The following HMBOX1 variants were observed in gnomAD, a reference collection of about 807,000 sequenced individuals.
The protein encoded by HMBOX1 is homeobox containing 1.
A neutral mutation model predicts 54.5 loss-of-function variants in HMBOX1; 14 were observed. The ratio of observed to expected loss-of-function variants is 0.26; its 90% CI spans 0.17 to 0.40. The LOEUF (loss-of-function observed/expected upper bound fraction) is 0.40, where lower values mean the gene tolerates loss of function less well. HMBOX1 is among the 10% of genes least tolerant of loss of function. The pLI is 1.00. For missense variants in HMBOX1, 332 were observed against 514.4 expected (o/e 0.65, Z 3.43); for synonymous variants, 160 against 181.0 (o/e 0.88, Z 0.93).
intron 1 of HMBOX1, among the ~76,000 whole-genome samples, chr8:28,902,678 G>T (rs1044071331): frequency 2.6e-5 from 4 of 152,176 alleles, no homozygotes; most frequent in Non-Finnish European, 5.9e-5. Context: ...TCCCAAAAGA[G>T]AAAGGAAGTC....
At chr8:28,962,586 A>G (rs1022350300) in intron 1 of HMBOX1, among the ~76,000 whole-genome samples, 4 of 152,170 alleles carry the variant, frequency 2.6e-5, no homozygotes, top group African/African-American at 9.7e-5. Context: ...ACACAAGCCT[A>G]CTAATTCCCT....
intron 1 of HMBOX1, among the ~76,000 whole-genome samples, chr8:28,896,369 C>CATTTTATCACAGGCAT (rs375981751): frequency 0.019 from 2,724 of 141,950 alleles, 66 homozygotes; most frequent in Non-Finnish European, 0.029. Context: ...AGTTCTATGC[C>CATTTTATCACAGGCAT]ATTTTATCAC....
intron 5 of HMBOX1, among the ~76,000 whole-genome samples, chr8:29,016,785 C>G (rs984647863): frequency 6.6e-6 from 1 of 152,230 alleles, no homozygotes; most frequent in African/African-American, 2.4e-5. Flanking sequence ...TGAGTGTCCT[C>G]ACACGGCAGC....
At chr8:28,961,046 A>G (rs1825506533) in intron 1 of HMBOX1, among the ~76,000 whole-genome samples, 1 of 151,768 alleles carries the variant, frequency 6.6e-6, no homozygotes, top group Non-Finnish European at 1.5e-5. Context: ...TGGCCTCCCA[A>G]AGTGCTGGGA....
At chr8:28,937,246 A>G (rs1820571737) in intron 1 of HMBOX1, among the ~76,000 whole-genome samples, 1 of 152,240 alleles carries the variant, frequency 6.6e-6, no homozygotes, top group Non-Finnish European at 1.5e-5. Flanking sequence ...TGTTATCCAT[A>G]GTCATTGAAA....
At chr8:29,010,113 G>A in intron 5 of HMBOX1, 1 of 980,044 alleles carries the variant, frequency 1.0e-6, no homozygotes, top group Non-Finnish European at 1.2e-6. Flanking sequence ...AATGGTCCAG[G>A]CAGGATGAAA....
At chr8:28,939,821 T>TA (rs1369448140) in intron 1 of HMBOX1, among the ~76,000 whole-genome samples, 1 of 152,042 alleles carries the variant, frequency 6.6e-6, no homozygotes, top group African/African-American at 2.4e-5. Context: ...AGGAACTTGT[T>TA]AAAAAACACC....
intron 6 of HMBOX1, among the ~76,000 whole-genome samples, chr8:29,027,648 C>G (rs1051872274): frequency 2.0e-5 from 3 of 152,086 alleles, no homozygotes; most frequent in African/African-American, 7.2e-5. Flanking sequence ...GAAGCAACAA[C>G]TTGGAAAAAA....
At chr8:29,017,762 G>C (rs1025756201) in intron 5 of HMBOX1, among the ~76,000 whole-genome samples, 1 of 152,060 alleles carries the variant, frequency 6.6e-6, no homozygotes, top group African/African-American at 2.4e-5. Flanking sequence ...TATTAAGAAG[G>C]GGATCTACAA....
chr8:28,916,472 A>T (rs1214801838), intron 1 of HMBOX1, among the ~76,000 whole-genome samples: 1 of 152,104 alleles, frequency 6.6e-6, no homozygotes, highest in African/African-American at 2.4e-5. Context: ...ACCCATTTTG[A>T]GTTAATGCGT....
intron 5 of HMBOX1, 57 bp downstream of exon 5, chr8:29,009,239 A>C (rs1278064784): frequency 6.0e-6 from 8 of 1,342,990 alleles, no homozygotes; most frequent in Non-Finnish European, 8.5e-6. Flanking sequence ...ATAATGAATT[A>C]CTTTAATGAC....
intron 1 of HMBOX1, among the ~76,000 whole-genome samples, chr8:28,961,595 A>G (rs1292850581): frequency 6.6e-6 from 1 of 152,058 alleles, no homozygotes; most frequent in African/African-American, 2.4e-5. Flanking sequence ...TCATTTATCC[A>G]TTTATCTGCC....
chr8:29,009,638 T>TTTTTTTTTTTTTTTTTTTTTTTTTGTA, intron 5 of HMBOX1: 1 of 1,251,722 alleles, frequency 8.0e-7, no homozygotes, highest in Non-Finnish European at 1.0e-6. Context: ...ATTTTTTTTT[T>TTTTTTTTTTTTTTTTTTTTTTTTTGTA]TCTAATTCTA....
In HMBOX1 at chr8:28,936,006, A is replaced by AAT. The variant is rs1366929362; in HGVS notation, c.-57-27795_-57-27794dup. Among the ~76,000 whole-genome samples the AAT allele has an allele frequency of 5.9e-5, 9 of 152,136 alleles. No homozygotes were observed. In the South Asian group the frequency reaches 1.0e-3, roughly 18 times the overall value. On this transcript the variant is annotated intron_variant, in intron 1 of 9. Coordinates refer to ENST00000287701, the MANE Select transcript of HMBOX1 (RefSeq NM_001135726.3). The stretch of plus-strand genomic sequence containing the variant: ...AGGGTCAAATAAAAAAATAGAAAAG[A>AAT]ATATATATATAAAGTGCTCTTGCTA...
At chr8:28,962,027 A>C (rs1825704232) in intron 1 of HMBOX1, among the ~76,000 whole-genome samples, 1 of 147,988 alleles carries the variant, frequency 6.8e-6, no homozygotes, top group South Asian at 2.1e-4. Context: ...TCCTGCCTCA[A>C]CCTCCTAAGT....
chr8:28,936,410 T>C (rs11781448), intron 1 of HMBOX1, among the ~76,000 whole-genome samples: 93,951 of 151,682 alleles, frequency 0.62, 29,499 homozygotes, highest in Admixed American at 0.7. Context: ...ATTATAAATA[T>C]ATACTATGTA....
At chr8:28,958,937 C>T (rs1354889282) in intron 1 of HMBOX1, among the ~76,000 whole-genome samples, 1 of 152,150 alleles carries the variant, frequency 6.6e-6, no homozygotes, top group Non-Finnish European at 1.5e-5. Context: ...ATGGACCACT[C>T]TTGCATTTCT....
chr8:29,013,724 A>AT (rs1292243895), intron 5 of HMBOX1, among the ~76,000 whole-genome samples: 1 of 152,192 alleles, frequency 6.6e-6, no homozygotes, highest in Non-Finnish European at 1.5e-5. Flanking sequence ...GAAAATACCT[A>AT]TTTTTTAAAA....
chr8:28,983,095 T>A (rs1251131222), intron 4 of HMBOX1, among the ~76,000 whole-genome samples: 4 of 152,224 alleles, frequency 2.6e-5, no homozygotes, highest in African/African-American at 7.2e-5. Flanking sequence ...TGGACCTTTC[T>A]TTTGCTGCCA....
Sources: gnomAD v4.1 joint callset for allele counts (sites outside exome capture counted in the v4.1 genomes callset) on GRCh38, gnomAD v4.1.1 for gene constraint, MANE v1.5 for transcripts, NCBI Gene and HGNC (gene_info 2026-07-23, HGNC 2026-07-21) for gene names.